Variants in BCL2 observed in about 807,000 individuals in gnomAD.
The protein encoded by BCL2 is BCL2 apoptosis regulator, also known as apoptosis regulator Bcl-2.
A neutral mutation model predicts 14.2 loss-of-function variants in BCL2; 1 was observed. That is an observed-to-expected ratio of 0.07 (90% CI 0.02 to 0.33). The LOEUF (loss-of-function observed/expected upper bound fraction) is 0.33, where lower values mean the gene tolerates loss of function less well. Ranked by LOEUF, BCL2 falls within the 10% of genes least tolerant of loss-of-function variation. The pLI is 0.99. For missense variants in BCL2, 247 were observed against 305.9 expected (o/e 0.81, Z 1.44); for synonymous variants, 151 against 137.2 (o/e 1.10, Z -0.70).
At chr18:63,283,030 C>A (rs767991949) in intron 2 of BCL2, among the ~76,000 whole-genome samples, 24 of 152,190 alleles carry the variant, frequency 1.6e-4, no homozygotes, top group Admixed American at 2.6e-4. Flanking sequence ...CTGAGAAATT[C>A]TCCATTGGTT....
chr18:63,296,402 A>G (rs1912796159), intron 2 of BCL2, among the ~76,000 whole-genome samples: 1 of 152,046 alleles, frequency 6.6e-6, no homozygotes, highest in Non-Finnish European at 1.5e-5. Flanking sequence ...TCTCAGCCTC[A>G]AGGGATCCTC....
intron 2 of BCL2, among the ~76,000 whole-genome samples, chr18:63,206,924 GGAC>G (rs1909853680): frequency 6.6e-6 from 1 of 152,102 alleles, no homozygotes; most frequent in African/African-American, 2.4e-5. Flanking sequence ...AAAAAGGGGA[GGAC>G]GACTTAAAGA....
intron 2 of BCL2, among the ~76,000 whole-genome samples, chr18:63,253,909 C>CT (rs34470267): frequency 0.75 from 108,122 of 144,678 alleles, 41,980 homozygotes; most frequent in Non-Finnish European, 0.85. Context: ...TGAATGTTGT[C>CT]TTTTTTTTTT....
At chr18:63,165,456 G>A (rs868851594) in intron 2 of BCL2, among the ~76,000 whole-genome samples, 16 of 152,142 alleles carry the variant, frequency 1.1e-4, no homozygotes, top group South Asian at 2.1e-4. Flanking sequence ...TTGGGGAGCC[G>A]CAGGCATCTT....
rs1213718582 is a variant in BCL2 at position 63,265,147 on chromosome 18, CGA to C, written c.585+52933_585+52934del. Among the ~76,000 whole-genome samples the C allele has an allele frequency of 2.6e-5, 4 of 152,220 alleles. No homozygotes were observed. In the East Asian group the frequency reaches 7.7e-4, roughly 29 times the overall value. ...CAGTGAAGCAATCAAAGTGAGCACT[CGA>C]GTCCCATCAGCAGAGCACCACGCTA... On this transcript the variant is annotated intron_variant, in intron 2 of 2. Coordinates refer to ENST00000333681, the MANE Select transcript of BCL2 (RefSeq NM_000633.3).
chr18:63,175,448 C>G (rs1351138100), intron 2 of BCL2, among the ~76,000 whole-genome samples: 1 of 152,224 alleles, frequency 6.6e-6, no homozygotes, highest in African/African-American at 2.4e-5. Flanking sequence ...CTAGGCCAAT[C>G]AGACTAGGCT....
chr18:63,277,945 A>G (rs113472963), intron 2 of BCL2, among the ~76,000 whole-genome samples: 18 of 152,168 alleles, frequency 1.2e-4, no homozygotes, highest in African/African-American at 4.1e-4. Flanking sequence ...GAAACACTCT[A>G]TGGAGGCCAA....
At chr18:63,225,585 G>A (rs575169333) in intron 2 of BCL2, among the ~76,000 whole-genome samples, 29 of 152,354 alleles carry the variant, frequency 1.9e-4, no homozygotes, top group African/African-American at 6.7e-4. Context: ...TGTTTGTGGT[G>A]ATGAAGCAGG....
chr18:63,293,091 G>C (rs1912699291), intron 2 of BCL2, among the ~76,000 whole-genome samples: 1 of 152,118 alleles, frequency 6.6e-6, no homozygotes, highest in Admixed American at 6.5e-5. Context: ...CTCACCCCTG[G>C]CTGGACTCAG....
intron 2 of BCL2, among the ~76,000 whole-genome samples, chr18:63,272,261 A>C (rs558925098): frequency 2.2e-4 from 33 of 152,374 alleles, no homozygotes; most frequent in South Asian, 8.3e-4. Context: ...TATCTGTTCA[A>C]GATCCCAAGC....
chr18:63,185,082 G>C (rs1324702159), intron 2 of BCL2, among the ~76,000 whole-genome samples: 1 of 152,164 alleles, frequency 6.6e-6, no homozygotes, highest in Admixed American at 6.5e-5. Flanking sequence ...AGGCTAACCA[G>C]AGGGAGTTAT....
intron 2 of BCL2, among the ~76,000 whole-genome samples, chr18:63,294,331 T>C (rs994410456): frequency 2.0e-5 from 3 of 152,168 alleles, no homozygotes; most frequent in Non-Finnish European, 4.4e-5. Flanking sequence ...CAATAGCTTT[T>C]GTATCCCTGC....
chr18:63,281,533 G>A (rs958204362), intron 2 of BCL2, among the ~76,000 whole-genome samples: 6 of 151,834 alleles, frequency 4.0e-5, no homozygotes, highest in Non-Finnish European at 8.8e-5. Flanking sequence ...TGGGCATGGT[G>A]GCACGTGCCT....
intron 2 of BCL2, among the ~76,000 whole-genome samples, chr18:63,271,040 T>C (rs939152495): frequency 1.3e-5 from 2 of 152,216 alleles, no homozygotes; most frequent in Admixed American, 1.3e-4. Flanking sequence ...CAGAATGGTC[T>C]CGAACTCCTG....
chr18:63,299,280 A>G (rs1179510426), intron 2 of BCL2, among the ~76,000 whole-genome samples: 3 of 152,198 alleles, frequency 2.0e-5, no homozygotes, highest in African/African-American at 7.2e-5. Flanking sequence ...CTGAGCATCT[A>G]TTATGTGCTT....
intron 2 of BCL2, among the ~76,000 whole-genome samples, chr18:63,180,024 A>G (rs1249621416): frequency 6.6e-6 from 1 of 152,192 alleles, no homozygotes; most frequent in Non-Finnish European, 1.5e-5. Flanking sequence ...CAGAGCCCCA[A>G]GTTACAAAAG....
chr18:63,189,834 A>C (rs1909239141), intron 2 of BCL2, among the ~76,000 whole-genome samples: 1 of 151,984 alleles, frequency 6.6e-6, no homozygotes, highest in African/African-American at 2.4e-5. Flanking sequence ...AGGCTTGGTG[A>C]GATATTTAAG....
At chr18:63,287,100 T>C (rs771048621) in intron 2 of BCL2, among the ~76,000 whole-genome samples, 5 of 152,164 alleles carry the variant, frequency 3.3e-5, no homozygotes, top group Non-Finnish European at 2.9e-5. Context: ...ACTACCCCCT[T>C]CTTGGATCCC....
intron 2 of BCL2, among the ~76,000 whole-genome samples, chr18:63,151,845 T>C (rs1363445418): frequency 1.3e-5 from 2 of 152,214 alleles, no homozygotes; most frequent in African/African-American, 2.4e-5. Flanking sequence ...CTTTCTGTTA[T>C]ATGAAGGTTT....
Sources: allele counts gnomAD v4.1 joint callset (sites outside exome capture counted in the v4.1 genomes callset), GRCh38; gene constraint gnomAD v4.1.1; transcripts MANE v1.5; gene names NCBI Gene and HGNC (gene_info 2026-07-23, HGNC 2026-07-21).